CCDC126: variants seen among roughly 807,000 people sequenced by gnomAD.
CCDC126 encodes the protein coiled-coil domain containing 126, also known as coiled-coil domain-containing protein 126.
In CCDC126, 5 loss-of-function variants were observed where a neutral mutation model predicts 11.7. The ratio of observed to expected loss-of-function variants is 0.43; its 90% CI spans 0.22 to 0.90. The LOEUF (loss-of-function observed/expected upper bound fraction) is 0.90. CCDC126 is among the 40% of genes least tolerant of loss of function. The pLI is 0.27. For synonymous variants in CCDC126, 60 were observed against 61.9 expected, an observed-to-expected ratio of 0.97 and a Z score of 0.14; for missense variants, 150 against 163.1, an observed-to-expected ratio of 0.92 and a Z score of 0.44.
chr7:23,618,115 C>T (rs1426927781), intron 3 of CCDC126, among the ~76,000 whole-genome samples: 1 of 152,178 alleles, frequency 6.6e-6, no homozygotes, highest in East Asian at 1.9e-4. Context: ...GACACATTAC[C>T]CTCCTGGCAT....
At chr7:23,623,495 C>T (rs1490809344) in intron 3 of CCDC126, among the ~76,000 whole-genome samples, 1 of 151,278 alleles carries the variant, frequency 6.6e-6, no homozygotes, top group Non-Finnish European at 1.5e-5. Flanking sequence ...GCTGTGGAGG[C>T]TGAGGCAGGA....
rs551946806 is a variant in CCDC126 at position 23,604,750 on chromosome 7, A to G, written c.-145-6421A>G. 6.6e-5 allele frequency among the ~76,000 whole-genome samples: 10 copies of G among 152,252 alleles called. No individual in the cohort carries two copies. In the East Asian group the frequency reaches 1.9e-3, roughly 29 times the overall value. Reference sequence around the variant, plus strand: ...GGTGGCTCACACCTGTAATCCCAGCACTTTGGGAGGCTGAGGCGGGTGGAT... The same window carrying G: ...GGTGGCTCACACCTGTAATCCCAGCGCTTTGGGAGGCTGAGGCGGGTGGAT... On this transcript the variant is annotated intron_variant, in intron 2 of 3. Coordinates refer to ENST00000307471, the MANE Select transcript of CCDC126 (RefSeq NM_138771.4).
chr7:23,608,858 C>G (rs1183506592), intron 2 of CCDC126, among the ~76,000 whole-genome samples: 2 of 152,136 alleles, frequency 1.3e-5, no homozygotes, highest in African/African-American at 4.8e-5. Flanking sequence ...ACTGAAAACT[C>G]AGGGATTGGG....
chr7:23,636,134 G>T (rs1435797692), intron 3 of CCDC126, among the ~76,000 whole-genome samples: 3 of 152,190 alleles, frequency 2.0e-5, no homozygotes, highest in African/African-American at 7.2e-5. Context: ...CCTAGGTGCC[G>T]GGATTGCAGA....
At chr7:23,642,115 G>T (rs1402689896) in intron 3 of CCDC126, among the ~76,000 whole-genome samples, 1 of 152,146 alleles carries the variant, frequency 6.6e-6, no homozygotes, top group African/African-American at 2.4e-5. Flanking sequence ...CGGTTCAAGG[G>T]ATTCTCCTGC....
chr7:23,610,252 C>T (rs1782686402), intron 2 of CCDC126, among the ~76,000 whole-genome samples: 1 of 152,192 alleles, frequency 6.6e-6, no homozygotes, highest in African/African-American at 2.4e-5. Flanking sequence ...TGCTCTGTCA[C>T]CCAGGCTGGA....
At chr7:23,626,657 C>T (rs1783021297) in intron 3 of CCDC126, among the ~76,000 whole-genome samples, 1 of 152,080 alleles carries the variant, frequency 6.6e-6, no homozygotes, top group Non-Finnish European at 1.5e-5. Context: ...CTCCCTCCTC[C>T]CACCCTCCCC....
intron 3 of CCDC126, among the ~76,000 whole-genome samples, chr7:23,636,774 G>A (rs1160192612): frequency 3.5e-5 from 5 of 143,110 alleles, no homozygotes; most frequent in South Asian, 2.2e-4. Flanking sequence ...GGAGGTGGGG[G>A]GGGGGTCAGC....
At chr7:23,639,400 G>A (rs750883729) in intron 3 of CCDC126, among the ~76,000 whole-genome samples, 1 of 152,010 alleles carries the variant, frequency 6.6e-6, no homozygotes, top group Non-Finnish European at 1.5e-5. Flanking sequence ...TCACCATGTT[G>A]GCCATGGTGG....
chr7:23,624,573 G>A (rs1346540789), intron 3 of CCDC126, among the ~76,000 whole-genome samples: 2 of 152,110 alleles, frequency 1.3e-5, no homozygotes, highest in Non-Finnish European at 2.9e-5. Flanking sequence ...TCAGTTTTGT[G>A]GGTTGTATAT....
intron 2 of CCDC126, among the ~76,000 whole-genome samples, chr7:23,601,203 G>C (rs1285156075): frequency 6.6e-6 from 1 of 152,184 alleles, no homozygotes; most frequent in Non-Finnish European, 1.5e-5. Flanking sequence ...GGGCAACATA[G>C]TGAGACCTTG....
chr7:23,629,598 A>G (rs1006874727), intron 3 of CCDC126, among the ~76,000 whole-genome samples: 3 of 152,208 alleles, frequency 2.0e-5, no homozygotes, highest in Non-Finnish European at 4.4e-5. Context: ...CCTTCAAAAA[A>G]AAAAATAGAA....
At chr7:23,633,622 G>T (rs1171911349) in intron 3 of CCDC126, among the ~76,000 whole-genome samples, 3 of 152,156 alleles carry the variant, frequency 2.0e-5, no homozygotes, top group African/African-American at 7.2e-5. Context: ...CTAGCACTTT[G>T]GGAGGCCAAG....
In CCDC126 at chr7:23,643,105, G is replaced by A. The variant is rs866521755; in HGVS notation, c.413G>A (p.Ser138Asn). Reference sequence around the variant, plus strand: ...AATAAAAGAACGAATGTCTCGGGCAGTATCAGATAGCAGTTGAAAATCACC... The same window carrying A: ...AATAAAAGAACGAATGTCTCGGGCAATATCAGATAGCAGTTGAAAATCACC... ...TTNKRTNVSGSIR is the reference protein window; with the variant it reads ...TTNKRTNVSGNIR The change falls in exon 4 of 4, where the codon AGT becomes AAT. Residue 138 changes from serine (S) to asparagine (N), a missense_variant. Transcript: ENST00000307471. 8 of 1,613,592 alleles carry A rather than the reference G, an allele frequency of 5.0e-6. No individual in the cohort carries two copies. Among genetic ancestry groups the A allele is most frequent in the African/African-American group, 2.7e-5 (2 of 75,048 alleles).
In CCDC126 at chr7:23,632,690, C is replaced by T. The variant is rs73077159; in HGVS notation, c.239-10241C>T. Among the ~76,000 whole-genome samples the T allele has an allele frequency of 5.2e-3, 796 of 152,254 alleles. 11 individuals are homozygous for T. The highest frequency in any genetic ancestry group is 0.041 in the East Asian group (210 of 5,182). ...TTTCTTACAACTCTTTGTAAATCTACGGTTATCTCAAAACAAAAAGTTAAT... is the reference window on the plus strand; with the variant it reads ...TTTCTTACAACTCTTTGTAAATCTATGGTTATCTCAAAACAAAAAGTTAAT... On this transcript the variant is annotated intron_variant, in intron 3 of 3. Coordinates refer to ENST00000307471, the MANE Select transcript of CCDC126 (RefSeq NM_138771.4).
At chr7:23,622,933 C>T in intron 3 of CCDC126, 1 of 238,960 alleles carries the variant, frequency 4.2e-6, no homozygotes, top group Non-Finnish European at 8.3e-6. Flanking sequence ...CCTGTTTGCT[C>T]TGCTGTGAGC....
chr7:23,637,176 G>A (rs1783245088), intron 3 of CCDC126, among the ~76,000 whole-genome samples: 1 of 57,910 alleles, frequency 1.7e-5, no homozygotes, highest in Non-Finnish European at 3.5e-5. Context: ...CCCTCTGCCC[G>A]GCCAGCCGCC....
chr7:23,632,561 CTT>C (rs1473605413), intron 3 of CCDC126, among the ~76,000 whole-genome samples: 1 of 152,196 alleles, frequency 6.6e-6, no homozygotes, highest in African/African-American at 2.4e-5. Flanking sequence ...CGTCTTAACT[CTT>C]ATCAATGTCA....
intron 2 of CCDC126, among the ~76,000 whole-genome samples, chr7:23,609,535 G>C (rs1447113526): frequency 1.3e-5 from 2 of 152,144 alleles, no homozygotes; most frequent in Non-Finnish European, 2.9e-5. Flanking sequence ...GACAGGAGGG[G>C]GGTTTTGGGA....
Sources: gnomAD v4.1 joint callset for allele counts (sites outside exome capture counted in the v4.1 genomes callset) on GRCh38, gnomAD v4.1.1 for gene constraint, MANE v1.5 for transcripts, NCBI Gene and HGNC (gene_info 2026-07-23, HGNC 2026-07-21) for gene names.